SEC23A: variants seen among roughly 807,000 people sequenced by gnomAD.
The protein encoded by SEC23A is protein transport protein Sec23A.
In SEC23A, 56 loss-of-function variants were observed where a neutral mutation model predicts 103.7. The ratio of observed to expected loss-of-function variants is 0.54; its 90% CI spans 0.44 to 0.67. The LOEUF (loss-of-function observed/expected upper bound fraction) is 0.67. Ranked by LOEUF, SEC23A falls within the 30% of genes least tolerant of loss-of-function variation. SEC23A has a pLI of 0.00. For synonymous variants in SEC23A, 281 were observed against 293.0 expected (o/e 0.96, Z 0.42); for missense variants, 784 against 936.4 (o/e 0.84, Z 2.12).
rs778781892 is a variant in SEC23A at position 39,091,599 on chromosome 14, T to C, written c.481A>G (p.Thr161Ala). ...MQMSLSLLPP[T>A]ALVGLITFGR... ...AAAGTAATAAGTCCAACCAAAGCTG[T>C]AGGTGGTAAAAGACTTAATGACATC... The change falls in exon 5 of 20, where the codon ACA becomes GCA. Residue 161 changes from threonine (T) to alanine (A), a missense_variant. This residue lies in a region of SEC23A where 683 missense variants were observed against 774.2 expected (regional missense o/e 0.88). Coordinates refer to ENST00000307712, the MANE Select transcript of SEC23A (RefSeq NM_006364.4). The C allele has an allele frequency of 4.3e-6, 7 of 1,613,804 alleles. No homozygotes were observed. The South Asian group carries it at 6.6e-5, about 15-fold the overall frequency.
At chr14:39,063,836 A>T (rs966510583) in intron 11 of SEC23A, among the ~76,000 whole-genome samples, 3 of 151,640 alleles carry the variant, frequency 2.0e-5, no homozygotes, top group Non-Finnish European at 4.4e-5. Context: ...CTCTACTAAA[A>T]ACACAAAAAA....
intron 12 of SEC23A, among the ~76,000 whole-genome samples, chr14:39,062,943 A>G (rs1416856654): frequency 6.6e-6 from 1 of 152,218 alleles, no homozygotes; most frequent in East Asian, 1.9e-4. Flanking sequence ...ACAAAGACTC[A>G]TATGTCATAT....
chr14:39,032,984 T>A lies in SEC23A; in HGVS notation c.*255A>T. ...AGACTCTATTTTTTATTAAACATAATTAAGTTATAAAGACTTCAAATTTCT... is the reference window on the plus strand; with the variant it reads ...AGACTCTATTTTTTATTAAACATAAATAAGTTATAAAGACTTCAAATTTCT... On this transcript the variant is annotated 3_prime_UTR_variant, in exon 20 of 20. Coordinates refer to ENST00000307712, the MANE Select transcript of SEC23A (RefSeq NM_006364.4). 1 of 425,298 alleles carries A rather than the reference T, an allele frequency of 2.4e-6. No homozygotes were observed. The highest frequency in any genetic ancestry group is 4.3e-6 in the Non-Finnish European group (1 of 234,100). The allele number at this position is 425,298 out of a possible 1,614,324, so 26.3% of individuals were successfully genotyped here. A position where few individuals can be genotyped will look rare whatever the true frequency, so the allele number is the denominator to read the frequency against.
intron 13 of SEC23A, among the ~76,000 whole-genome samples, chr14:39,056,915 C>A (rs989260856): frequency 5.3e-5 from 8 of 152,088 alleles, no homozygotes; most frequent in Non-Finnish European, 1.2e-4. Context: ...TTTTACTAGT[C>A]CAGTCAGCAT....
chr14:39,083,507 G>T (rs190701889), intron 7 of SEC23A, among the ~76,000 whole-genome samples: 18 of 150,928 alleles, frequency 1.2e-4, no homozygotes, highest in Non-Finnish European at 2.2e-4. Context: ...CACCTTGGAC[G>T]CATGTCATCA....
chr14:39,076,397 T>A (rs930185493), intron 7 of SEC23A, among the ~76,000 whole-genome samples: 2 of 151,280 alleles, frequency 1.3e-5, no homozygotes, highest in South Asian at 2.1e-4. Flanking sequence ...AGTGGAAGAG[T>A]GAACATCTTC....
chr14:39,063,720 G>T (rs910379565), intron 11 of SEC23A, among the ~76,000 whole-genome samples: 1 of 152,126 alleles, frequency 6.6e-6, no homozygotes, highest in African/African-American at 2.4e-5. Context: ...TATTTGGCCA[G>T]GGGCGGTGGC....
intron 14 of SEC23A, among the ~76,000 whole-genome samples, chr14:39,054,604 T>C (rs940066291): frequency 6.6e-6 from 1 of 152,008 alleles, no homozygotes; most frequent in Non-Finnish European, 1.5e-5. Context: ...CTGGAGTAGG[T>C]GGGACTACAG....
chr14:39,059,308 A>AAAAAAAC (rs1566491612), intron 13 of SEC23A, among the ~76,000 whole-genome samples: 3 of 107,578 alleles, frequency 2.8e-5, no homozygotes, highest in Non-Finnish European at 4.0e-5. Context: ...AAAAAAAAAA[A>AAAAAAAC]AACAACAAGG....
intron 14 of SEC23A, among the ~76,000 whole-genome samples, chr14:39,052,893 T>C (rs1001146038): frequency 6.6e-6 from 1 of 152,156 alleles, no homozygotes; most frequent in East Asian, 1.9e-4. Flanking sequence ...CCCAGCACTT[T>C]AGGAGGCCAA....
rs1014116440 is a variant in SEC23A at position 39,036,378 on chromosome 14, A to G, written c.2208+2653T>C. On this transcript the variant is annotated intron_variant, in intron 19 of 19. Coordinates refer to ENST00000307712, the MANE Select transcript of SEC23A (RefSeq NM_006364.4). ...ATGGAAGCATGCTCTAGATATTTTT[A>G]GTAAATAAAATAGGCCCTCACCACT... 2.1e-5 allele frequency among the ~76,000 whole-genome samples: 3 copies of G among 146,186 alleles called. No homozygotes were observed. In the Admixed American group the frequency reaches 2.1e-4, roughly 10 times the overall value.
intron 7 of SEC23A, 75 bp downstream of exon 7, chr14:39,085,687 T>TAAACACACAC: frequency 8.5e-7 from 1 of 1,177,764 alleles, no homozygotes; most frequent in African/African-American, 2.0e-5. Context: ...TATAATTATA[T>TAAACACACAC]ATACACACAC....
intron 16 of SEC23A, among the ~76,000 whole-genome samples, chr14:39,043,813 G>C (rs1357220207): frequency 1.3e-5 from 2 of 152,198 alleles, no homozygotes; most frequent in African/African-American, 4.8e-5. Context: ...GGTAAATACT[G>C]TTGAGAGCTC....
Position 39,055,314 on chromosome 14 carries a change from G to A in SEC23A, c.1506-18C>T. The A allele has an allele frequency of 3.7e-6, 6 of 1,612,740 alleles. No homozygotes were observed. Among genetic ancestry groups the A allele is most frequent in the Non-Finnish European group, 5.1e-6 (6 of 1,179,004 alleles). On this transcript the variant is annotated intron_variant, in intron 13 of 19. Transcript: ENST00000307712. ...CTGCCCAGCTGAAGACAATAAGAAA[G>A]CATAGAAATGCTTCTGAATTATTAT...
chr14:39,083,558 ACTTT>A (rs1264204367), intron 7 of SEC23A, among the ~76,000 whole-genome samples: 1 of 40,578 alleles, frequency 2.5e-5, no homozygotes, highest in Non-Finnish European at 5.1e-5. Context: ...GGCAAAATAA[ACTTT>A]CTTTTTTTTT....
intron 8 of SEC23A, among the ~76,000 whole-genome samples, 177 bp from the exon 9 acceptor site, chr14:39,074,707 AT>A (rs1242756933): frequency 2.0e-5 from 3 of 152,204 alleles, no homozygotes; most frequent in Non-Finnish European, 4.4e-5. Context: ...TGAGTCTGAC[AT>A]TTTCACATTT....
chr14:39,089,509 T>C (rs1420088549), intron 5 of SEC23A, among the ~76,000 whole-genome samples: 1 of 152,194 alleles, frequency 6.6e-6, no homozygotes, highest in Non-Finnish European at 1.5e-5. Flanking sequence ...TATGTCTTCC[T>C]AAACCTGACT....
At chr14:39,084,019 ATTTTG>A (rs765056654) in intron 7 of SEC23A, among the ~76,000 whole-genome samples, 2 of 151,636 alleles carry the variant, frequency 1.3e-5, no homozygotes, top group Non-Finnish European at 1.5e-5. Context: ...TTTAAAAACT[ATTTTG>A]TTTTGTTTTG....
At chr14:39,055,353 T>C (rs2139212693) in intron 13 of SEC23A, 57 bp from the exon 14 acceptor site, 1 of 1,547,578 alleles carries the variant, frequency 6.5e-7, no homozygotes, top group Non-Finnish European at 8.9e-7. Context: ...CACAATATCA[T>C]AGTTGGCTAC....
Sources: gnomAD v4.1 joint callset for allele counts (sites outside exome capture counted in the v4.1 genomes callset) on GRCh38, gnomAD v4.1.1 for gene constraint, gnomAD v4.1.1 regional missense constraint, MANE v1.5 for transcripts, NCBI Gene and HGNC (gene_info 2026-07-23, HGNC 2026-07-21) for gene names.